Variants in C12orf56 observed in about 807,000 individuals in gnomAD.
C12orf56 encodes uncharacterized protein C12orf56.
C12orf56 carries 71 observed loss-of-function variants against 69.9 expected under a neutral mutation model. That is an observed-to-expected ratio of 1.02 (90% CI 0.84 to 1.24). The LOEUF is 1.24. C12orf56 is among the 50% of genes most tolerant of loss of function. The probability of loss-of-function intolerance (pLI) is 0.00; values close to 1 mark genes in which losing one functional copy is unlikely to be tolerated. For synonymous variants in C12orf56, 276 were observed against 274.1 expected (o/e 1.01, Z -0.07); for missense variants, 732 against 738.5 (o/e 0.99, Z 0.10).
intron 6 of C12orf56, among the ~76,000 whole-genome samples, chr12:64,288,584 C>T (rs1396860493): frequency 2.4e-5 from 2 of 82,128 alleles, no homozygotes; most frequent in African/African-American, 1.0e-4. Context: ...CCAGTTTTCC[C>T]AGCACCATTT....
chr12:64,308,413 A>C (rs1398599846), intron 5 of C12orf56, among the ~76,000 whole-genome samples: 1 of 152,240 alleles, frequency 6.6e-6, no homozygotes, highest in African/African-American at 2.4e-5. Flanking sequence ...AGACTAAATA[A>C]GATATTTCTT....
chr12:64,312,560 G>T, intron 5 of C12orf56, 119 bp downstream of exon 5: 1 of 721,720 alleles, frequency 1.4e-6, no homozygotes, highest in Non-Finnish European at 2.3e-6. Context: ...AGTGAGCCAA[G>T]ACTGTGCCAC....
At chr12:64,301,520 G>A (rs921506062) in intron 6 of C12orf56, among the ~76,000 whole-genome samples, 1 of 152,128 alleles carries the variant, frequency 6.6e-6, no homozygotes, top group African/African-American at 2.4e-5. Flanking sequence ...AATTTACTGA[G>A]GCCCCAGAAG....
At chr12:64,384,476 T>C (rs935472382) in intron 1 of C12orf56, among the ~76,000 whole-genome samples, 4 of 152,158 alleles carry the variant, frequency 2.6e-5, no homozygotes, top group Non-Finnish European at 4.4e-5. Context: ...AAACTAGTGA[T>C]TAAAAATGTG....
At chr12:64,383,215 G>A (rs2039744096) in intron 1 of C12orf56, among the ~76,000 whole-genome samples, 1 of 151,888 alleles carries the variant, frequency 6.6e-6, no homozygotes, top group African/African-American at 2.4e-5. Context: ...TACTAAGGAG[G>A]CTGAGGTGGG....
chr12:64,294,602 C>G (rs1164299099), intron 6 of C12orf56, among the ~76,000 whole-genome samples: 3 of 151,954 alleles, frequency 2.0e-5, no homozygotes, highest in African/African-American at 7.3e-5. Context: ...ATCATTCCAA[C>G]TATATGAGGT....
At chr12:64,314,453 T>C (rs530467380) in intron 4 of C12orf56, among the ~76,000 whole-genome samples, 1 of 152,336 alleles carries the variant, frequency 6.6e-6, no homozygotes, top group East Asian at 1.9e-4. Flanking sequence ...ACACTTTTGT[T>C]AACTATTTCC....
At chr12:64,284,891 T>C in intron 7 of C12orf56, 138 bp from the exon 8 acceptor site, 1 of 632,870 alleles carries the variant, frequency 1.6e-6, no homozygotes, top group Non-Finnish European at 2.7e-6. Context: ...ATTTTGTACA[T>C]CAAATTGCTA....
chr12:64,369,982 CA>C (rs761872853), intron 1 of C12orf56, among the ~76,000 whole-genome samples: 6,677 of 74,740 alleles, frequency 0.089, 388 homozygotes, highest in African/African-American at 0.25. Context: ...GACTCTGTCT[CA>C]AAAAAAAAAA....
chr12:64,360,541 T>C (rs569043808), intron 1 of C12orf56, among the ~76,000 whole-genome samples: 2 of 152,312 alleles, frequency 1.3e-5, no homozygotes, highest in East Asian at 1.9e-4. Flanking sequence ...GATAGATAGA[T>C]AGGATATTGT....
chr12:64,343,076 T>A (rs1464067437), intron 2 of C12orf56, among the ~76,000 whole-genome samples: 1 of 152,132 alleles, frequency 6.6e-6, no homozygotes, highest in East Asian at 1.9e-4. Flanking sequence ...ATGTCTTGCC[T>A]CCAAAATTCA....
At chr12:64,361,325 T>C (rs886155940) in intron 1 of C12orf56, among the ~76,000 whole-genome samples, 3 of 152,154 alleles carry the variant, frequency 2.0e-5, no homozygotes. Flanking sequence ...CAACTCCATC[T>C]TGAATAAGGG....
intron 2 of C12orf56, among the ~76,000 whole-genome samples, chr12:64,339,572 T>C (rs1237318396): frequency 1.3e-5 from 2 of 152,026 alleles, no homozygotes; most frequent in African/African-American, 4.8e-5. Flanking sequence ...TGTTTGTTTG[T>C]TTGTTTTTCA....
intron 5 of C12orf56, among the ~76,000 whole-genome samples, chr12:64,305,701 T>C (rs1366156595): frequency 2.6e-5 from 4 of 152,178 alleles, no homozygotes; most frequent in African/African-American, 4.8e-5. Flanking sequence ...TATTTTGATA[T>C]TTTAGTTAAT....
At chr12:64,295,396 C>T (rs753497665) in intron 6 of C12orf56, among the ~76,000 whole-genome samples, 8 of 152,128 alleles carry the variant, frequency 5.3e-5, no homozygotes, top group Non-Finnish European at 1.0e-4. Flanking sequence ...TGTAATCTCA[C>T]AGCTGTAATT....
At chr12:64,299,210 T>G (rs1267798489) in intron 6 of C12orf56, among the ~76,000 whole-genome samples, 1 of 152,202 alleles carries the variant, frequency 6.6e-6, no homozygotes, top group Non-Finnish European at 1.5e-5. Flanking sequence ...ATAGGAATGC[T>G]TGTGATTTTT....
intron 1 of C12orf56, among the ~76,000 whole-genome samples, chr12:64,354,942 G>A (rs2039287762): frequency 6.6e-6 from 1 of 151,406 alleles, no homozygotes; most frequent in African/African-American, 2.4e-5. Flanking sequence ...GCTGGGTGTG[G>A]TGGTGCATGC....
At chr12:64,315,768 C>A (rs1358727566) in intron 4 of C12orf56, among the ~76,000 whole-genome samples, 1 of 152,018 alleles carries the variant, frequency 6.6e-6, no homozygotes, top group Non-Finnish European at 1.5e-5. Context: ...CCTGTCTCTA[C>A]TAAAATACAA....
At chr12:64,302,152 A>C (rs1157690460) in intron 6 of C12orf56, among the ~76,000 whole-genome samples, 1 of 152,206 alleles carries the variant, frequency 6.6e-6, no homozygotes, top group Non-Finnish European at 1.5e-5. Context: ...TTGGTTGGTC[A>C]TATTTTCCAC....
Sources: gnomAD v4.1 joint callset for allele counts (sites outside exome capture counted in the v4.1 genomes callset) on GRCh38, gnomAD v4.1.1 for gene constraint, MANE v1.5 for transcripts, NCBI Gene and HGNC (gene_info 2026-07-23, HGNC 2026-07-21) for gene names.